GXYLT1: variants seen among roughly 807,000 people sequenced by gnomAD.
The protein encoded by GXYLT1 is glycosyltransferase 8 domain containing 3.
GXYLT1 carries 29 observed loss-of-function variants against 54.0 expected under a neutral mutation model. The observed-to-expected ratio is 0.54, with a 90% confidence interval of 0.40 to 0.73. GXYLT1 has a LOEUF of 0.73. Ranked by LOEUF, GXYLT1 falls within the 30% of genes least tolerant of loss-of-function variation. The pLI is 0.00. For synonymous variants in GXYLT1, 176 were observed against 204.1 expected (o/e 0.86, Z 1.17); for missense variants, 490 against 553.4 (o/e 0.89, Z 1.15).
chr12:42,087,734 C>T lies in GXYLT1; in HGVS notation c.*52G>A. 7.5e-7 allele frequency: 1 copy of T among 1,335,632 alleles called. No individual in the cohort carries two copies. The allele number at this position is 1,335,632 out of a possible 1,614,324, so 82.7% of individuals were successfully genotyped here. On this transcript the variant is annotated 3_prime_UTR_variant, in exon 8 of 8. Transcript: ENST00000398675. ...CTTCATCCAAGACGATTCCTTCACA[C>T]TTATCTTCTGATTCTTTGTTTTCAT...
At chr12:42,125,592 A>T (rs1313285051) in intron 2 of GXYLT1, among the ~76,000 whole-genome samples, 1 of 152,208 alleles carries the variant, frequency 6.6e-6, no homozygotes, top group Non-Finnish European at 1.5e-5. Context: ...CAGAAAAAGG[A>T]AGTAGTAAAC....
At chr12:42,117,540 C>T (rs2136903932) in intron 3 of GXYLT1, among the ~76,000 whole-genome samples, 1 of 151,692 alleles carries the variant, frequency 6.6e-6, no homozygotes. Context: ...CTGAAAAAAA[C>T]ATCAAATATA....
intron 3 of GXYLT1, among the ~76,000 whole-genome samples, chr12:42,114,345 G>A (rs1403675073): frequency 6.6e-6 from 1 of 152,132 alleles, no homozygotes; most frequent in Non-Finnish European, 1.5e-5. Flanking sequence ...CCAGGAGCTG[G>A]TTTTTTGAAA....
intron 5 of GXYLT1, among the ~76,000 whole-genome samples, chr12:42,105,207 C>T (rs1423667141): frequency 6.6e-6 from 1 of 152,196 alleles, no homozygotes; most frequent in Non-Finnish European, 1.5e-5. Context: ...CTGATGAAGT[C>T]TAAATGCACA....
chr12:42,130,523 G>A (rs558361884), intron 1 of GXYLT1, among the ~76,000 whole-genome samples: 1 of 151,968 alleles, frequency 6.6e-6, no homozygotes, highest in African/African-American at 2.4e-5. Flanking sequence ...CTGCTGGTAG[G>A]AACATACATT....
chr12:42,120,700 C>CT (rs944674756), intron 2 of GXYLT1, among the ~76,000 whole-genome samples: 27 of 146,796 alleles, frequency 1.8e-4, no homozygotes, highest in African/African-American at 5.3e-4. Context: ...TCCAACTAAT[C>CT]TTTTTTTTTA....
chr12:42,126,073 CTTTT>C (rs35070036), intron 2 of GXYLT1, among the ~76,000 whole-genome samples: 2 of 135,238 alleles, frequency 1.5e-5, no homozygotes. Flanking sequence ...CCAGTAGGAA[CTTTT>C]TTTTTTTTTT....
chr12:42,142,602 C>T (rs1428363057), intron 1 of GXYLT1, among the ~76,000 whole-genome samples: 1 of 152,024 alleles, frequency 6.6e-6, no homozygotes, highest in African/African-American at 2.4e-5. Context: ...ACTCAGCCTC[C>T]CCAAATTCTG....
At chr12:42,091,174 AAGAC>A (rs1264018454) in intron 7 of GXYLT1, among the ~76,000 whole-genome samples, 1 of 152,212 alleles carries the variant, frequency 6.6e-6, no homozygotes, top group Non-Finnish European at 1.5e-5. Flanking sequence ...AGCATCATAA[AAGAC>A]AGATTAACTT....
At chr12:42,107,169 T>C (rs920515808) in intron 4 of GXYLT1, among the ~76,000 whole-genome samples, 3 of 152,242 alleles carry the variant, frequency 2.0e-5, no homozygotes, top group Non-Finnish European at 4.4e-5. Flanking sequence ...TAAACCTTTT[T>C]AGTTAAGACA....
chr12:42,118,927 T>G, intron 3 of GXYLT1, 73 bp downstream of exon 3: 2 of 1,142,214 alleles, frequency 1.8e-6, no homozygotes, highest in Non-Finnish European at 1.2e-6. Flanking sequence ...AACAGACTAT[T>G]ACAACAACAT....
intron 7 of GXYLT1, among the ~76,000 whole-genome samples, chr12:42,088,159 G>A (rs2065308318): frequency 6.6e-6 from 1 of 151,778 alleles, no homozygotes; most frequent in Non-Finnish European, 1.5e-5. Context: ...ATCTCCGGGG[G>A]AATCCTGGAG....
chr12:42,112,039 A>T (rs537955632), intron 3 of GXYLT1, among the ~76,000 whole-genome samples: 1 of 152,190 alleles, frequency 6.6e-6, no homozygotes, highest in African/African-American at 2.4e-5. Flanking sequence ...TCTGGAGTGG[A>T]CCTCTAGCAA....
In GXYLT1 at chr12:42,087,102, C is replaced by T. The variant is rs1273352407; in HGVS notation, c.*684G>A. 6.6e-6 allele frequency: 1 copy of T among 152,050 alleles called. No individual in the cohort carries two copies. The highest frequency in any genetic ancestry group is 1.5e-5 in the Non-Finnish European group (1 of 67,990). 9.4% of individuals were successfully genotyped at this position (152,050 alleles called of 1,614,324 possible). A position where few individuals can be genotyped will look rare whatever the true frequency, so the allele number is the denominator to read the frequency against. The stretch of plus-strand genomic sequence containing the variant: ...TTAATGCATACAAAATGAAACACTA[C>T]ATTTCTCACTCTCTCTCACACACAA... On this transcript the variant is annotated 3_prime_UTR_variant, in exon 8 of 8. Transcript: ENST00000398675.
intron 7 of GXYLT1, among the ~76,000 whole-genome samples, chr12:42,090,293 C>G (rs189971539): frequency 3.9e-5 from 6 of 152,362 alleles, no homozygotes; most frequent in Admixed American, 3.9e-4. Context: ...TTTACATAAT[C>G]TGCAGTGCCT....
chr12:42,097,653 CT>C (rs1565566683), intron 6 of GXYLT1, 39 bp from the exon 7 acceptor site: 1 of 1,528,116 alleles, frequency 6.5e-7, no homozygotes, highest in Non-Finnish European at 8.9e-7. Context: ...GCAAATACCC[CT>C]AATTCCACAG....
chr12:42,083,491 TCTCTA>T lies in GXYLT1; in HGVS notation c.*4290_*4294del, dbSNP rs958298567. 16 of 151,652 alleles carry T rather than the reference TCTCTA, an allele frequency of 1.1e-4. 1 individual carries two copies. The highest frequency in any genetic ancestry group is 7.3e-4 in the Admixed American group (11 of 15,168). 9.4% of individuals were successfully genotyped at this position (151,652 alleles called of 1,614,324 possible). A position where few individuals can be genotyped will look rare whatever the true frequency, so the allele number is the denominator to read the frequency against. On this transcript the variant is annotated 3_prime_UTR_variant, in exon 8 of 8. Transcript: ENST00000398675. The stretch of plus-strand genomic sequence containing the variant: ...TGACATATTGCACCCCTACTTTTCT[TCTCTA>T]CTCTAAGGAACCAAAAAAATTATTT...
At chr12:42,118,896 G>T (rs573591121) in intron 3 of GXYLT1, 104 bp downstream of exon 3, 2 of 814,048 alleles carry the variant, frequency 2.5e-6, no homozygotes, top group East Asian at 5.8e-5. Flanking sequence ...CAAGTCTCAG[G>T]TAGTTATTTC....
Position 42,098,782 on chromosome 12 carries a change from T to TATATATATATATATATATAA in GXYLT1, c.865-750_865-749insTTATATATATATATATATAT, listed in dbSNP as rs1374482799. On this transcript the variant is annotated intron_variant, in intron 5 of 7. Transcript: ENST00000398675. Reference sequence around the variant, plus strand: ...AAACATATATATATATATATATATATATAATACATGTGTGTGTATATATAC... The same window carrying TATATATATATATATATATAA: ...AAACATATATATATATATATATATATATATATATATATATATATAAATAATACATGTGTGTGTATATATAC... 4.0e-4 allele frequency among the ~76,000 whole-genome samples: 55 copies of TATATATATATATATATATAA among 138,232 alleles called. 1 individual carries two copies. Among genetic ancestry groups the TATATATATATATATATATAA allele is most frequent in the South Asian group, 2.0e-3 (9 of 4,394 alleles). 90.7% of individuals were successfully genotyped at this position (138,232 alleles called of 152,430 possible).
Sources: gnomAD v4.1 joint callset for allele counts (sites outside exome capture counted in the v4.1 genomes callset) on GRCh38, gnomAD v4.1.1 for gene constraint, MANE v1.5 for transcripts, NCBI Gene and HGNC (gene_info 2026-07-23, HGNC 2026-07-21) for gene names.